WDR49: variants seen among roughly 807,000 people sequenced by gnomAD.
WDR49 encodes the protein cilia- and flagella-associated protein 337.
A neutral mutation model predicts 119.5 loss-of-function variants in WDR49; 107 were observed. That is an observed-to-expected ratio of 0.90 (90% CI 0.77 to 1.05). WDR49 has a LOEUF of 1.05. WDR49 is among the 50% of genes least tolerant of loss of function. The pLI, the probability that WDR49 is intolerant of heterozygous loss-of-function variation, is 0.00. For missense variants in WDR49, 1,240 were observed against 1,220.5 expected, an observed-to-expected ratio of 1.02 and a Z score of -0.24; for synonymous variants, 425 against 418.8, an observed-to-expected ratio of 1.01 and a Z score of -0.18.
At position 167,522,457 on chromosome 3, in the gene WDR49, G is replaced by C; in HGVS notation, c.2632C>G (p.Leu878Val). The C allele has an allele frequency of 1.2e-6, 2 of 1,600,992 alleles. No homozygotes were observed. Among genetic ancestry groups the C allele is most frequent in the South Asian group, 2.3e-5 (2 of 87,524 alleles). Reference protein sequence around the residue: ...QAKHWHIENCLFLPKRDTNLV... With the variant: ...QAKHWHIENCVFLPKRDTNLV... ...TTAGTATCTCTTTTAGGAAGGAAAA[G>C]GCAGTTTTCAATATGCCAGTGCTTT... The change falls in exon 16 of 19, where the codon CTT becomes GTT. Residue 878 changes from leucine to valine, a missense_variant. Coordinates refer to ENST00000682715, the MANE Select transcript of WDR49 (RefSeq NM_001366157.1).
intron 11 of WDR49, among the ~76,000 whole-genome samples, chr3:167,535,639 T>C (rs921145742): frequency 6.6e-6 from 1 of 152,094 alleles, no homozygotes; most frequent in Non-Finnish European, 1.5e-5. Flanking sequence ...CACTTACATA[T>C]GGCTGGTGGG....
intron 7 of WDR49, among the ~76,000 whole-genome samples, chr3:167,590,091 T>C (rs1279591400): frequency 6.6e-6 from 1 of 152,118 alleles, no homozygotes; most frequent in Non-Finnish European, 1.5e-5. Context: ...TCAAAACTTT[T>C]TGAGTTTTTT....
intron 16 of WDR49, among the ~76,000 whole-genome samples, chr3:167,516,785 C>G (rs1400060193): frequency 6.6e-6 from 1 of 152,120 alleles, no homozygotes; most frequent in Non-Finnish European, 1.5e-5. Flanking sequence ...AGGCAACCTA[C>G]AGAATGGGAG....
intron 7 of WDR49, among the ~76,000 whole-genome samples, chr3:167,577,614 A>G (rs1251964269): frequency 6.6e-6 from 1 of 152,172 alleles, no homozygotes; most frequent in African/African-American, 2.4e-5. Context: ...ACTTAACATG[A>G]TGACCAGCCT....
intron 10 of WDR49, among the ~76,000 whole-genome samples, chr3:167,542,612 C>T (rs1281858776): frequency 6.6e-6 from 1 of 152,028 alleles, no homozygotes; most frequent in African/African-American, 2.4e-5. Context: ...CACAACTTTT[C>T]AAAACCTCTG....
In WDR49 at chr3:167,599,582, C is replaced by G. The variant is rs573062337; in HGVS notation, c.1275+2545G>C. ...GGTGCTCTATCTCACTATGGTTGAT[C>G]TGGTACCTAAGGTGCTAGACAAAAA... On this transcript the variant is annotated intron_variant, in intron 7 of 18. Transcript: ENST00000682715. Among the ~76,000 whole-genome samples the G allele has an allele frequency of 3.9e-5, 6 of 152,304 alleles. No individual in the cohort carries two copies. The South Asian group carries it at 1.0e-3, about 26-fold the overall frequency.
chr3:167,500,035 T>C (rs1368083162), intron 18 of WDR49, 118 bp downstream of exon 18: 3 of 1,187,260 alleles, frequency 2.5e-6, no homozygotes, highest in African/African-American at 3.2e-5. Context: ...AACCACACTT[T>C]GTTTCACTGC....
chr3:167,567,250 CTA>C (rs1713659953), intron 8 of WDR49, among the ~76,000 whole-genome samples: 1 of 152,186 alleles, frequency 6.6e-6, no homozygotes. Context: ...ACTGCTTCTT[CTA>C]TGTCTTCTTT....
At chr3:167,554,971 C>T (rs1195587897) in intron 9 of WDR49, among the ~76,000 whole-genome samples, 173 bp from the exon 10 acceptor site, 2 of 152,108 alleles carry the variant, frequency 1.3e-5, no homozygotes, top group African/African-American at 2.4e-5. Context: ...TCTTCATCCC[C>T]ATTTCTCGGC....
At chr3:167,633,523 T>C in intron 2 of WDR49, 1 of 455,046 alleles carries the variant, frequency 2.2e-6, no homozygotes. Flanking sequence ...GTGAGCCAAA[T>C]ATCCCCATCC....
intron 16 of WDR49, among the ~76,000 whole-genome samples, chr3:167,518,317 C>T (rs1460328369): frequency 6.6e-6 from 1 of 151,536 alleles, no homozygotes; most frequent in African/African-American, 2.4e-5. Context: ...ACACTGACTT[C>T]CACAATGGTT....
chr3:167,573,451 A>G lies in WDR49; in HGVS notation c.1509+2467T>C, dbSNP rs189377630. 7.8e-4 allele frequency among the ~76,000 whole-genome samples: 118 copies of G among 151,564 alleles called. 2 individuals are homozygous for G. The East Asian group carries it at 0.016, about 20-fold the overall frequency. Reference sequence around the variant, plus strand: ...ACACAACACAAATAGATAGATCTGTATTTTTATACTTATTTACCATATTAG... The same window carrying G: ...ACACAACACAAATAGATAGATCTGTGTTTTTATACTTATTTACCATATTAG... On this transcript the variant is annotated intron_variant, in intron 8 of 18. Coordinates refer to ENST00000682715, the MANE Select transcript of WDR49 (RefSeq NM_001366157.1).
At chr3:167,542,994 A>G (rs1375926465) in intron 10 of WDR49, among the ~76,000 whole-genome samples, 2 of 152,100 alleles carry the variant, frequency 1.3e-5, no homozygotes, top group Non-Finnish European at 2.9e-5. Flanking sequence ...ATGAAAGATC[A>G]TTCAAGGCAA....
intron 10 of WDR49, among the ~76,000 whole-genome samples, chr3:167,552,731 C>A (rs1195067010): frequency 6.6e-6 from 1 of 151,912 alleles, no homozygotes; most frequent in Non-Finnish European, 1.5e-5. Context: ...CGAGATGATG[C>A]TAAGGATTAA....
intron 8 of WDR49, among the ~76,000 whole-genome samples, chr3:167,568,892 A>G (rs1000866412): frequency 6.6e-6 from 1 of 152,184 alleles, no homozygotes; most frequent in African/African-American, 2.4e-5. Flanking sequence ...CCACAACAGC[A>G]ACAGGGGGTG....
rs1258350805 is a variant in WDR49 at position 167,653,375 on chromosome 3, C to T, written c.51G>A (p.Gly17=). 5 of 1,534,762 alleles carry T rather than the reference C, an allele frequency of 3.3e-6. No homozygotes were observed. Among genetic ancestry groups the T allele is most frequent in the East Asian group, 2.4e-5 (1 of 40,898 alleles). The change falls in exon 2 of 19, where the codon GGG becomes GGA. Residue 17 remains glycine (G), a synonymous_variant. Transcript: ENST00000682715. ...VLELNIGSQL[G]PKSPERTEGV... is the part of the protein sequence containing the mutation. ...CTTCTGTTCTCTCAGGACTCTTTGG[C>T]CCAAGCTGTGACCCTATGTTTAACT...
In WDR49 at chr3:167,536,916, A is replaced by T. The variant is rs1352618582; in HGVS notation, c.1908T>A (p.Asp636Glu). 1 of 1,551,002 alleles carries T rather than the reference A, an allele frequency of 6.4e-7. No individual in the cohort carries two copies. Among genetic ancestry groups the T allele is most frequent in the Non-Finnish European group, 8.7e-7 (1 of 1,149,216 alleles). The change falls in exon 11 of 19, where the codon GAT becomes GAA. Residue 636 changes from aspartate to glutamate, a missense_variant. By Grantham distance (45) the Asp-to-Glu change is conservative. Transcript: ENST00000682715. The stretch of plus-strand genomic sequence containing the variant: ...GTAAAAACGCAGCACACAAGATGTC[A>T]TCATGGTGCTGTATACCTCCTTTCC... Reference protein sequence around the residue: ...EEWKGGIQHHDDILCAAFLPP... With the variant: ...EEWKGGIQHHEDILCAAFLPP...
intron 10 of WDR49, among the ~76,000 whole-genome samples, chr3:167,551,861 C>A (rs546694273): frequency 2.0e-5 from 3 of 151,844 alleles, no homozygotes; most frequent in Admixed American, 6.6e-5. Flanking sequence ...CACACATACA[C>A]AAATATCCCT....
rs1358117028 is a variant in WDR49, at chr3:167,525,832, G to GT, written c.2604+1987dup. The stretch of plus-strand genomic sequence containing the variant: ...TGTTATAAAAGTGATTCTAATTTTT[G>GT]TTTTTTTGTTAAACAAACAAACAAA... On this transcript the variant is annotated intron_variant, in intron 15 of 18. Coordinates refer to ENST00000682715, the MANE Select transcript of WDR49 (RefSeq NM_001366157.1). Among the ~76,000 whole-genome samples the GT allele has an allele frequency of 7.1e-5, 10 of 141,248 alleles. No individual in the cohort carries two copies. The East Asian group carries it at 2.1e-3, about 30-fold the overall frequency. The allele number at this position is 141,248 out of a possible 152,430, so 92.7% of individuals were successfully genotyped here. A position where few individuals can be genotyped will look rare whatever the true frequency, so the allele number is the denominator to read the frequency against.
Sources: allele counts gnomAD v4.1 joint callset (sites outside exome capture counted in the v4.1 genomes callset), GRCh38; gene constraint gnomAD v4.1.1; transcripts MANE v1.5; gene names NCBI Gene and HGNC (gene_info 2026-07-23, HGNC 2026-07-21).